The following CADM2 variants were observed in gnomAD, a reference collection of about 807,000 sequenced individuals.
The protein encoded by CADM2 is immunoglobulin superfamily member 4D.
A neutral mutation model predicts 49.8 loss-of-function variants in CADM2; 12 were observed. That is an observed-to-expected ratio of 0.24 (90% confidence interval 0.15 to 0.39). CADM2 has a LOEUF of 0.39. Among genes scored for constraint, CADM2 ranks in the 10% least tolerant of loss-of-function variants. The pLI is 1.00. For missense variants in CADM2, 378 were observed against 492.3 expected (o/e 0.77, Z 2.20); for synonymous variants, 214 against 175.4 (o/e 1.22, Z -1.74).
At chr3:85,595,275 A>G (rs2063211845) in intron 1 of CADM2, among the ~76,000 whole-genome samples, 1 of 151,944 alleles carries the variant, frequency 6.6e-6, no homozygotes, top group South Asian at 2.1e-4. Flanking sequence ...ACCTTTAGAA[A>G]TCTTTGTATT....
chr3:85,797,549 G>A (rs903473978), intron 2 of CADM2, among the ~76,000 whole-genome samples: 1 of 152,060 alleles, frequency 6.6e-6, no homozygotes, highest in African/African-American at 2.4e-5. Context: ...GAGAATGACG[G>A]TTTCCAGATT....
At chr3:85,732,887 A>G (rs529852172) in intron 2 of CADM2, among the ~76,000 whole-genome samples, 1 of 152,328 alleles carries the variant, frequency 6.6e-6, no homozygotes, top group East Asian at 1.9e-4. Context: ...CAAGCTTTTA[A>G]TCTATTAAAT....
intron 8 of CADM2, among the ~76,000 whole-genome samples, chr3:86,039,405 G>C (rs1433648637): frequency 6.6e-6 from 1 of 152,158 alleles, no homozygotes; most frequent in East Asian, 1.9e-4. Flanking sequence ...CTTTTCCAAT[G>C]GTCTTAGCGA....
intron 1 of CADM2, among the ~76,000 whole-genome samples, chr3:85,458,531 A>T (rs1023231873): frequency 6.6e-6 from 1 of 152,206 alleles, no homozygotes; most frequent in Admixed American, 6.5e-5. Flanking sequence ...GTCATATTGA[A>T]CTGCATCTTG....
At chr3:85,037,456 T>C (rs542396580) in intron 1 of CADM2, among the ~76,000 whole-genome samples, 20 of 152,326 alleles carry the variant, frequency 1.3e-4, no homozygotes, top group African/African-American at 4.1e-4. Context: ...TAGAGATCAC[T>C]AACCATATGT....
chr3:85,575,565 A>AAAAAT (rs546176519), intron 1 of CADM2, among the ~76,000 whole-genome samples: 34 of 152,280 alleles, frequency 2.2e-4, no homozygotes, highest in Non-Finnish European at 4.1e-4. Context: ...ACAAAACATA[A>AAAAAT]AAAATAAAAT....
intron 1 of CADM2, among the ~76,000 whole-genome samples, chr3:85,038,494 C>T (rs1185799804): frequency 4.6e-5 from 7 of 152,148 alleles, no homozygotes; most frequent in Non-Finnish European, 5.9e-5. Context: ...GTGCCTGTTT[C>T]AGGCTGTAAA....
intron 1 of CADM2, among the ~76,000 whole-genome samples, chr3:85,536,342 A>C (rs943647821): frequency 6.6e-6 from 1 of 152,014 alleles, no homozygotes; most frequent in African/African-American, 2.4e-5. Context: ...AGTATATTAA[A>C]TCATTCTAAT....
intron 1 of CADM2, among the ~76,000 whole-genome samples, chr3:85,588,620 C>T (rs1412840367): frequency 1.3e-5 from 2 of 152,026 alleles, no homozygotes; most frequent in African/African-American, 4.8e-5. Context: ...ACCTCTGTAT[C>T]ATCTTTAGCT....
intron 7 of CADM2, among the ~76,000 whole-genome samples, chr3:85,941,407 A>T (rs1008359518): frequency 6.6e-6 from 1 of 152,118 alleles, no homozygotes; most frequent in Non-Finnish European, 1.5e-5. Flanking sequence ...TTTCAAAAAC[A>T]TATTTAAACA....
At chr3:85,933,670 A>G (rs1037075639) in intron 6 of CADM2, among the ~76,000 whole-genome samples, 1 of 152,136 alleles carries the variant, frequency 6.6e-6, no homozygotes, top group African/African-American at 2.4e-5. Flanking sequence ...GACCAAGAGT[A>G]CCAATGGTTT....
chr3:86,028,597 T>A (rs967565795), intron 8 of CADM2, among the ~76,000 whole-genome samples: 5 of 152,218 alleles, frequency 3.3e-5, no homozygotes, highest in African/African-American at 1.2e-4. Context: ...GCAGTGGATT[T>A]TACAACCTGT....
chr3:85,788,677 A>T (rs905023887), intron 2 of CADM2, among the ~76,000 whole-genome samples: 32 of 148,880 alleles, frequency 2.1e-4, no homozygotes, highest in Admixed American at 2.0e-4. Context: ...AGTTTGAATA[A>T]TTTTTTTTTT....
At chr3:85,473,952 T>A (rs2038873110) in intron 1 of CADM2, among the ~76,000 whole-genome samples, 1 of 152,056 alleles carries the variant, frequency 6.6e-6, no homozygotes, top group Non-Finnish European at 1.5e-5. Context: ...GTTTCCTTAT[T>A]TATAAAATAT....
At chr3:85,274,550 A>G (rs930286026) in intron 1 of CADM2, among the ~76,000 whole-genome samples, 1 of 151,456 alleles carries the variant, frequency 6.6e-6, no homozygotes. Context: ...TGCTTGTGCT[A>G]GTTGCCTCCT....
At chr3:85,898,597 A>G (rs1407019370) in intron 5 of CADM2, among the ~76,000 whole-genome samples, 11 of 150,802 alleles carry the variant, frequency 7.3e-5, no homozygotes, top group Admixed American at 4.0e-4. Flanking sequence ...GAGTCTCAAC[A>G]TAAGTATTTG....
intron 1 of CADM2, among the ~76,000 whole-genome samples, chr3:85,148,300 A>C (rs890457572): frequency 6.6e-6 from 1 of 152,198 alleles, no homozygotes; most frequent in Admixed American, 6.5e-5. Context: ...TAACAGGGCA[A>C]CTTCCTCCTT....
chr3:85,769,563 ACAC>A lies in CADM2; in HGVS notation c.89-32483_89-32481del, dbSNP rs1326399132. On this transcript the variant is annotated intron_variant, in intron 2 of 9. Coordinates refer to ENST00000383699, the MANE Select transcript of CADM2 (RefSeq NM_001167675.2). The stretch of plus-strand genomic sequence containing the variant: ...CACGTATATACATATATGTATATAT[ACAC>A]GTATATACATATATACATATATAGT... Among the ~76,000 whole-genome samples, 3 of 71,012 alleles carry A rather than the reference ACAC, an allele frequency of 4.2e-5. 1 individual carries two copies. Among genetic ancestry groups the A allele is most frequent in the East Asian group, 3.4e-4 (1 of 2,944 alleles). 46.6% of individuals were successfully genotyped at this position (71,012 alleles called of 152,430 possible). A position where few individuals can be genotyped will look rare whatever the true frequency, so the allele number is the denominator to read the frequency against.
At chr3:85,049,377 GTC>G (rs2107398355) in intron 1 of CADM2, among the ~76,000 whole-genome samples, 1 of 134,804 alleles carries the variant, frequency 7.4e-6, no homozygotes, top group Admixed American at 7.5e-5. Context: ...TTGAGATGGA[GTC>G]TCACACAGTC....
Sources: allele counts gnomAD v4.1 joint callset (sites outside exome capture counted in the v4.1 genomes callset), GRCh38; gene constraint gnomAD v4.1.1; transcripts MANE v1.5; gene names NCBI Gene and HGNC (gene_info 2026-07-23, HGNC 2026-07-21).